The following WDPCP variants were observed in gnomAD, a reference collection of about 807,000 sequenced individuals.
WDPCP encodes the protein WD repeat-containing and planar cell polarity effector protein fritz homolog.
Under a neutral mutation model 93.1 loss-of-function variants are expected in WDPCP, and 71 were observed. That is an observed-to-expected ratio of 0.76 (90% CI 0.63 to 0.93). WDPCP has a LOEUF of 0.93. WDPCP is among the 40% of genes least tolerant of loss of function. WDPCP has a pLI of 0.00. For synonymous variants in WDPCP, 315 were observed against 315.0 expected (o/e 1.00, Z 0.00); for missense variants, 844 against 887.4 (o/e 0.95, Z 0.62).
At chr2:63,220,124 T>TA (rs1292098138) in intron 14 of WDPCP, among the ~76,000 whole-genome samples, 1 of 152,208 alleles carries the variant, frequency 6.6e-6, no homozygotes, top group Non-Finnish European at 1.5e-5. Flanking sequence ...AGTTTTAACT[T>TA]AAAGGCATAG....
chr2:63,192,456 A>G (rs1675122109), intron 14 of WDPCP, among the ~76,000 whole-genome samples: 1 of 152,224 alleles, frequency 6.6e-6, no homozygotes, highest in African/African-American at 2.4e-5. Flanking sequence ...ATAGAATAAT[A>G]ATTGCCACCT....
At chr2:63,292,920 C>T (rs921012188) in intron 13 of WDPCP, among the ~76,000 whole-genome samples, 6 of 152,198 alleles carry the variant, frequency 3.9e-5, no homozygotes, top group Admixed American at 3.3e-4. Context: ...TGTTACACAT[C>T]CACCACCCCA....
chr2:63,556,781 A>C (rs1706156314), intron 1 of WDPCP, among the ~76,000 whole-genome samples: 1 of 152,206 alleles, frequency 6.6e-6, no homozygotes, highest in Admixed American at 6.5e-5. Context: ...AGGCCAGGTC[A>C]CCTACAAAGG....
intron 3 of WDPCP, among the ~76,000 whole-genome samples, chr2:63,609,747 C>T (rs1486094564): frequency 6.6e-6 from 1 of 152,048 alleles, no homozygotes; most frequent in Non-Finnish European, 1.5e-5. Context: ...TGGTGCACAC[C>T]TGTAGTCCCA....
At chr2:63,164,251 T>C (rs1432417870) in intron 15 of WDPCP, among the ~76,000 whole-genome samples, 1 of 152,190 alleles carries the variant, frequency 6.6e-6, no homozygotes, top group Non-Finnish European at 1.5e-5. Flanking sequence ...ATTTTGTTTA[T>C]ACAGTGTCTG....
At chr2:63,252,765 A>T (rs528442202) in intron 14 of WDPCP, among the ~76,000 whole-genome samples, 1 of 152,334 alleles carries the variant, frequency 6.6e-6, no homozygotes, top group Non-Finnish European at 1.5e-5. Context: ...ATCACAGACG[A>T]CACCAACAAA....
intron 1 of WDPCP, among the ~76,000 whole-genome samples, chr2:63,818,799 G>A (rs766264461): frequency 2.0e-5 from 3 of 152,148 alleles, no homozygotes; most frequent in Non-Finnish European, 4.4e-5. Context: ...GTAAGAAAAA[G>A]TGATTAAACA....
intron 1 of WDPCP, among the ~76,000 whole-genome samples, chr2:63,567,603 T>C (rs1303458458): frequency 6.6e-6 from 1 of 152,186 alleles, no homozygotes; most frequent in African/African-American, 2.4e-5. Flanking sequence ...TTAGCTACAG[T>C]TACAGTTTAA....
rs868397152 is a variant in WDPCP, at chr2:63,437,964, A to G, written c.500-410T>C. 5 of 1,491,014 alleles carry G rather than the reference A, an allele frequency of 3.4e-6. No individual in the cohort carries two copies. The Middle Eastern group carries it at 7.2e-4, about 214-fold the overall frequency. The allele number at this position is 1,491,014 out of a possible 1,614,324, so 92.4% of individuals were successfully genotyped here. ...GAGGATAAAGTGGATTTATTAGGGG[A>G]TACTGATCAGTGTTCTCTACCAGTC... On this transcript the variant is annotated intron_variant, in intron 7 of 17. Coordinates refer to ENST00000272321, the MANE Select transcript of WDPCP (RefSeq NM_015910.7).
intron 17 of WDPCP, among the ~76,000 whole-genome samples, chr2:63,122,869 A>G (rs1277867148): frequency 6.6e-6 from 1 of 152,180 alleles, no homozygotes; most frequent in Non-Finnish European, 1.5e-5. Context: ...AAATAAATTT[A>G]AAGTTATTCT....
chr2:63,122,142 G>T (rs2153393867), intron 17 of WDPCP, 86 bp from the exon 18 acceptor site: 2 of 1,050,648 alleles, frequency 1.9e-6, no homozygotes, highest in Non-Finnish European at 2.9e-6. Context: ...TTTAAGTACT[G>T]AAAAATAGTG....
the WDPCP span, among the ~76,000 whole-genome samples, chr2:63,838,615 C>A: frequency 6.6e-6 from 1 of 151,302 alleles, no homozygotes; most frequent in Non-Finnish European, 1.5e-5. Context: ...ATAAATCTAC[C>A]GATGTTACAG....
In WDPCP at chr2:63,698,702, T is replaced by C. The variant is rs1668997250; in HGVS notation, n.309-47864A>G. On this transcript the variant is annotated intron_variant and non_coding_transcript_variant, in intron 2 of 4. Coordinates refer to the WDPCP transcript ENST00000467687. ...CTGGCTAGCAAGAGAACACCTGAGA[T>C]GACTTTTATCTTCTCGTGGCCACAG... 2.0e-5 allele frequency among the ~76,000 whole-genome samples: 3 copies of C among 152,168 alleles called. 1 individual carries two copies. In the South Asian group the frequency reaches 6.2e-4, roughly 32 times the overall value.
intron 2 of WDPCP, among the ~76,000 whole-genome samples, chr2:63,721,716 CCCT>C (rs1669417197): frequency 6.8e-6 from 1 of 148,090 alleles, no homozygotes; most frequent in Non-Finnish European, 1.5e-5. Context: ...CTGCCCCTCC[CCCT>C]CCTCCTCCCC....
Position 63,204,116 on chromosome 2 carries a change from G to C in WDPCP, c.1916-29284C>G, listed in dbSNP as rs557800033. Among the ~76,000 whole-genome samples the C allele has an allele frequency of 9.9e-5, 15 of 152,128 alleles. No individual in the cohort carries two copies. In the South Asian group the frequency reaches 3.1e-3, roughly 32 times the overall value. ...GGTAGCTCTATTTTTAGTTTTTTGA[G>C]GAACCTCCAACCTGTTCTCCACAGT... On this transcript the variant is annotated intron_variant, in intron 14 of 17. Transcript: ENST00000272321.
chr2:63,335,650 G>T (rs1199696395), intron 12 of WDPCP, among the ~76,000 whole-genome samples: 1 of 152,014 alleles, frequency 6.6e-6, no homozygotes, highest in Non-Finnish European at 1.5e-5. Flanking sequence ...CTGTTTTTGT[G>T]TGTTGATCCT....
rs1694413400 is a variant in WDPCP at position 63,404,543 on chromosome 2, C to T, written c.940G>A (p.Ala314Thr). The change falls in exon 10 of 18, where the codon GCT (alanine) becomes ACT (threonine). Residue 314 changes from alanine to threonine, a missense_variant. Ala to Thr is a moderately conservative substitution (Grantham distance 58, BLOSUM62 0). Transcript: ENST00000272321. ...HSVSVDKEPM[A>T]DSCIYECIRN... is the part of the protein sequence containing the mutation. Reference sequence around the variant, plus strand: ...ATGCATTCATAGATGCAGCTGTCAGCCATGGGCTCTTTGTCTACACTTACG... The same window carrying T: ...ATGCATTCATAGATGCAGCTGTCAGTCATGGGCTCTTTGTCTACACTTACG... 8 of 1,613,498 alleles carry T rather than the reference C, an allele frequency of 5.0e-6. No individual in the cohort carries two copies. The highest frequency in any genetic ancestry group is 4.0e-5 in the African/African-American group (3 of 74,910).
intron 2 of WDPCP, among the ~76,000 whole-genome samples, chr2:63,755,941 T>G (rs577880787): frequency 1.8e-4 from 27 of 152,356 alleles, no homozygotes; most frequent in African/African-American, 6.5e-4. Context: ...AGAGACCAGG[T>G]AATTCTCATT....
At chr2:63,388,831 A>G (rs1309287828) in intron 10 of WDPCP, among the ~76,000 whole-genome samples, 1 of 152,212 alleles carries the variant, frequency 6.6e-6, no homozygotes, top group East Asian at 1.9e-4. Context: ...AAATAAAACG[A>G]GAAGACAAGG....
Sources: allele counts gnomAD v4.1 joint callset (sites outside exome capture counted in the v4.1 genomes callset), GRCh38; gene constraint gnomAD v4.1.1; transcripts MANE v1.5; gene names NCBI Gene and HGNC (gene_info 2026-07-23, HGNC 2026-07-21).